The following STK4 variants were observed in gnomAD, a reference collection of about 807,000 sequenced individuals.
STK4 encodes serine/threonine-protein kinase 4.
In STK4, 30 loss-of-function variants were observed where a neutral mutation model predicts 64.9. The observed-to-expected ratio is 0.46, with a 90% CI of 0.35 to 0.63. STK4 has a LOEUF of 0.63. Among genes scored for constraint, STK4 ranks in the 20% least tolerant of loss-of-function variants. The probability of loss-of-function intolerance (pLI) is 0.01; values close to 1 mark genes in which losing one functional copy is unlikely to be tolerated. For synonymous variants in STK4, 177 were observed against 199.0 expected, an observed-to-expected ratio of 0.89 and a Z score of 0.93; for missense variants, 466 against 598.5, an observed-to-expected ratio of 0.78 and a Z score of 2.31.
intron 7 of STK4, among the ~76,000 whole-genome samples, chr20:44,999,280 G>C (rs2067792715): frequency 6.6e-6 from 1 of 152,130 alleles, no homozygotes; most frequent in South Asian, 2.1e-4. Flanking sequence ...AATGAGCTGG[G>C]TCTTATTTCT....
chr20:44,971,093 A>ACACG (rs1440925316), intron 1 of STK4, among the ~76,000 whole-genome samples: 2 of 86,942 alleles, frequency 2.3e-5, no homozygotes, highest in Non-Finnish European at 6.1e-5. Flanking sequence ...ACACACACAC[A>ACACG]CACACACACA....
intron 10 of STK4, among the ~76,000 whole-genome samples, chr20:45,036,034 A>G (rs977329198): frequency 6.6e-6 from 1 of 152,240 alleles, no homozygotes; most frequent in African/African-American, 2.4e-5. Context: ...TCTATTGTAC[A>G]ACATGGTAAC....
At chr20:45,058,946 G>A (rs1600554170) in intron 10 of STK4, among the ~76,000 whole-genome samples, 1 of 152,134 alleles carries the variant, frequency 6.6e-6, no homozygotes, top group East Asian at 1.9e-4. Context: ...CTTCCTGAAA[G>A]TGTTTCTCTC....
chr20:44,971,665 CTTTTTTTTTT>C (rs71197585), intron 1 of STK4, among the ~76,000 whole-genome samples: 2 of 90,364 alleles, frequency 2.2e-5, no homozygotes, highest in African/African-American at 4.4e-5. Context: ...AGCCACATGA[CTTTTTTTTTT>C]TTTTTTTTTT....
chr20:45,072,032 G>A (rs1459450243), intron 10 of STK4, among the ~76,000 whole-genome samples: 1 of 152,200 alleles, frequency 6.6e-6, no homozygotes, highest in Non-Finnish European at 1.5e-5. Flanking sequence ...CCAGAGTGCT[G>A]GGATTCAGGC....
At chr20:45,043,168 T>G (rs1042846917) in intron 10 of STK4, among the ~76,000 whole-genome samples, 1 of 152,334 alleles carries the variant, frequency 6.6e-6, no homozygotes, top group Non-Finnish European at 1.5e-5. Context: ...TCCATATCCC[T>G]GTGAAGGACA....
intron 10 of STK4, among the ~76,000 whole-genome samples, chr20:45,070,885 C>CA (rs34886047): frequency 0.22 from 23,853 of 108,572 alleles, 2,354 homozygotes; most frequent in East Asian, 0.41. Context: ...GACTCCGTCT[C>CA]AAAAAAAAAA....
chr20:44,998,513 C>G (rs2067775653), intron 7 of STK4, among the ~76,000 whole-genome samples: 1 of 152,066 alleles, frequency 6.6e-6, no homozygotes, highest in Non-Finnish European at 1.5e-5. Flanking sequence ...ACCCAGTGCC[C>G]CCTTTTTATA....
intron 10 of STK4, among the ~76,000 whole-genome samples, chr20:45,045,061 T>C (rs2068672053): frequency 1.3e-5 from 2 of 152,242 alleles, no homozygotes; most frequent in African/African-American, 4.8e-5. Context: ...CATTTTATTT[T>C]ACTATTATAA....
chr20:45,032,981 G>T (rs2068470214), intron 10 of STK4, among the ~76,000 whole-genome samples: 1 of 152,158 alleles, frequency 6.6e-6, no homozygotes, highest in African/African-American at 2.4e-5. Context: ...GTATGAGATA[G>T]TATCTCATTG....
chr20:45,000,240 T>A, intron 7 of STK4, 152 bp from the exon 8 acceptor site: 1 of 1,021,432 alleles, frequency 9.8e-7, no homozygotes. Flanking sequence ...ATAAAGCGAG[T>A]GTGGTTTAGC....
chr20:45,038,698 A>G (rs1428192909), intron 10 of STK4, among the ~76,000 whole-genome samples: 2 of 152,026 alleles, frequency 1.3e-5, no homozygotes, highest in Non-Finnish European at 2.9e-5. Flanking sequence ...ACCGCTTCAT[A>G]CTTATAAACA....
chr20:45,050,402 C>T (rs565798406), intron 10 of STK4, among the ~76,000 whole-genome samples: 1 of 152,274 alleles, frequency 6.6e-6, no homozygotes, highest in South Asian at 2.1e-4. Flanking sequence ...AGCTGATGGT[C>T]ATTTAGGTAG....
intron 10 of STK4, among the ~76,000 whole-genome samples, chr20:45,059,536 G>C (rs1326185887): frequency 6.6e-6 from 1 of 152,186 alleles, no homozygotes; most frequent in Non-Finnish European, 1.5e-5. Context: ...TGGTTATGCT[G>C]GACAAAGGGA....
chr20:44,986,697 G>A (rs1201102859), intron 4 of STK4, among the ~76,000 whole-genome samples: 2 of 152,152 alleles, frequency 1.3e-5, no homozygotes, highest in Admixed American at 1.3e-4. Context: ...GATTACAGAG[G>A]GTGTATTTGG....
intron 1 of STK4, among the ~76,000 whole-genome samples, chr20:44,971,518 T>C (rs2067245238): frequency 6.6e-6 from 1 of 152,200 alleles, no homozygotes; most frequent in African/African-American, 2.4e-5. Context: ...GTCCAATTCA[T>C]AGTTATGTTT....
intron 5 of STK4, among the ~76,000 whole-genome samples, chr20:44,987,831 A>G (rs2067557595): frequency 6.6e-6 from 1 of 152,142 alleles, no homozygotes; most frequent in Non-Finnish European, 1.5e-5. Flanking sequence ...AGTATATATG[A>G]AAGTATATAT....
intron 9 of STK4, among the ~76,000 whole-genome samples, chr20:45,020,784 G>A (rs963326365): frequency 1.3e-5 from 2 of 151,396 alleles, no homozygotes; most frequent in African/African-American, 4.9e-5. Context: ...GGCTCAATCA[G>A]GTTTATTTAT....
At chr20:45,038,814 T>C (rs2068567729) in intron 10 of STK4, among the ~76,000 whole-genome samples, 1 of 152,022 alleles carries the variant, frequency 6.6e-6, no homozygotes, top group Non-Finnish European at 1.5e-5. Flanking sequence ...AAAAAGCTAA[T>C]TATACATTAA....
Sources: gnomAD v4.1 joint callset for allele counts (sites outside exome capture counted in the v4.1 genomes callset) on GRCh38, gnomAD v4.1.1 for gene constraint, MANE v1.5 for transcripts, NCBI Gene and HGNC (gene_info 2026-07-23, HGNC 2026-07-21) for gene names.